MGMT: variants seen among roughly 807,000 people sequenced by gnomAD.
MGMT encodes methylated-DNA--protein-cysteine methyltransferase.
A neutral mutation model predicts 15.9 loss-of-function variants in MGMT; 14 were observed. That is an observed-to-expected ratio of 0.88 (90% CI 0.58 to 1.37). The LOEUF is 1.37. Among genes scored for constraint, MGMT ranks in the 40% most tolerant of loss-of-function variants. The probability of loss-of-function intolerance (pLI) is 0.00; values close to 1 mark genes in which losing one functional copy is unlikely to be tolerated. For missense variants in MGMT, 282 were observed against 268.1 expected (o/e 1.05, Z -0.36); for synonymous variants, 130 against 118.2 (o/e 1.10, Z -0.65).
At chr10:129,608,690 T>C (rs900374069) in intron 2 of MGMT, among the ~76,000 whole-genome samples, 6 of 152,258 alleles carry the variant, frequency 3.9e-5, no homozygotes, top group African/African-American at 1.4e-4. Flanking sequence ...TTTATGTTAT[T>C]CCTTAAAAAA....
chr10:129,495,279 G>A (rs1017468254), intron 1 of MGMT, among the ~76,000 whole-genome samples: 12 of 152,188 alleles, frequency 7.9e-5, no homozygotes, highest in Non-Finnish European at 1.6e-4. Context: ...CAAAATAAAC[G>A]TAGTACCTAA....
At chr10:129,746,166 G>A (rs1469914840) in intron 3 of MGMT, among the ~76,000 whole-genome samples, 1 of 150,906 alleles carries the variant, frequency 6.6e-6, no homozygotes, top group Admixed American at 6.6e-5. Flanking sequence ...GTGAACCCGG[G>A]AGGCAGAGCT....
At chr10:129,630,262 A>T (rs1373343951) in intron 2 of MGMT, among the ~76,000 whole-genome samples, 1 of 152,174 alleles carries the variant, frequency 6.6e-6, no homozygotes, top group Non-Finnish European at 1.5e-5. Context: ...CTCTGATTGC[A>T]CTTCTCTTTG....
intron 1 of MGMT, among the ~76,000 whole-genome samples, chr10:129,493,855 G>A (rs1358596570): frequency 1.3e-5 from 2 of 152,166 alleles, no homozygotes; most frequent in Non-Finnish European, 2.9e-5. Context: ...AACTCTAGAG[G>A]CTTGTCTTAT....
intron 2 of MGMT, among the ~76,000 whole-genome samples, chr10:129,575,537 G>A (rs879526172): frequency 9.9e-4 from 133 of 135,012 alleles, no homozygotes; most frequent in Non-Finnish European, 1.5e-3. Flanking sequence ...TCAAAGCAGT[G>A]TGTAGAGGGA....
At chr10:129,546,626 G>T (rs1846101230) in intron 2 of MGMT, among the ~76,000 whole-genome samples, 1 of 152,218 alleles carries the variant, frequency 6.6e-6, no homozygotes, top group African/African-American at 2.4e-5. Context: ...AAGGACCAGA[G>T]AGAGAATGGA....
chr10:129,486,177 C>CTTTTTTT, intron 1 of MGMT, among the ~76,000 whole-genome samples: 1 of 113,304 alleles, frequency 8.8e-6, no homozygotes, highest in Non-Finnish European at 1.7e-5. Context: ...CTTCTCTTCT[C>CTTTTTTT]TTTTTTTTTT....
At chr10:129,715,128 T>A (rs995296351) in intron 3 of MGMT, among the ~76,000 whole-genome samples, 6 of 152,106 alleles carry the variant, frequency 3.9e-5, no homozygotes, top group Non-Finnish European at 8.8e-5. Context: ...ATAACGAGGG[T>A]CTCTACTACA....
At chr10:129,629,796 G>T (rs1164146357) in intron 2 of MGMT, among the ~76,000 whole-genome samples, 1 of 152,218 alleles carries the variant, frequency 6.6e-6, no homozygotes, top group East Asian at 1.9e-4. Flanking sequence ...GGGACATAGG[G>T]AAGGTATGGC....
intron 3 of MGMT, among the ~76,000 whole-genome samples, chr10:129,710,187 C>T (rs112809447): frequency 1.3e-5 from 2 of 152,228 alleles, no homozygotes; most frequent in African/African-American, 4.8e-5. Flanking sequence ...ACCAGGAAGA[C>T]CTCAGAGTAG....
intron 1 of MGMT, among the ~76,000 whole-genome samples, chr10:129,498,677 T>TCTAGCGCTTTC (rs1335799066): frequency 1.3e-5 from 2 of 152,212 alleles, no homozygotes; most frequent in African/African-American, 2.4e-5. Flanking sequence ...CCATCGTTTT[T>TCTAGCGCTTTC]CTAGCGCTTT....
rs1342377428 is a variant in MGMT, at chr10:129,769,261, G to C, written c.*2264G>C. ...CAGCAGCAGGGCTCAAACCGGCGGGGCCGTGTACCGCTCCAAGGACAAGCT... is the reference window on the plus strand; with the variant it reads ...CAGCAGCAGGGCTCAAACCGGCGGGCCCGTGTACCGCTCCAAGGACAAGCT... On this transcript the variant is annotated 3_prime_UTR_variant, in exon 5 of 5. Transcript: ENST00000651593. 6.6e-6 allele frequency: 1 copy of C among 152,254 alleles called. No individual in the cohort carries two copies. The highest frequency in any genetic ancestry group is 1.5e-5 in the Non-Finnish European group (1 of 68,078). The allele number at this position is 152,254 out of a possible 1,614,324, so 9.4% of individuals were successfully genotyped here. A position where few individuals can be genotyped will look rare whatever the true frequency, so the allele number is the denominator to read the frequency against.
At chr10:129,696,245 A>T (rs555001000) in intron 2 of MGMT, among the ~76,000 whole-genome samples, 79 of 152,300 alleles carry the variant, frequency 5.2e-4, no homozygotes, top group African/African-American at 1.8e-3. Flanking sequence ...TACAGCATGA[A>T]GGTGGTGCTT....
At chr10:129,480,031 A>G (rs1035411193) in intron 1 of MGMT, among the ~76,000 whole-genome samples, 6 of 152,164 alleles carry the variant, frequency 3.9e-5, no homozygotes, top group Admixed American at 6.5e-5. Flanking sequence ...AAAACTAGCT[A>G]TATTTTCCAT....
At chr10:129,737,059 G>C (rs1287442877) in intron 3 of MGMT, among the ~76,000 whole-genome samples, 1 of 151,928 alleles carries the variant, frequency 6.6e-6, no homozygotes, top group Non-Finnish European at 1.5e-5. Context: ...TTCTCGAGGA[G>C]TATCTTTGTG....
At chr10:129,609,671 G>A (rs1371411909) in intron 2 of MGMT, among the ~76,000 whole-genome samples, 1 of 152,188 alleles carries the variant, frequency 6.6e-6, no homozygotes, top group African/African-American at 2.4e-5. Context: ...TTCGGGAGCA[G>A]GATGAGTAAG....
At chr10:129,675,598 C>T (rs1847776477) in intron 2 of MGMT, among the ~76,000 whole-genome samples, 1 of 152,106 alleles carries the variant, frequency 6.6e-6, no homozygotes, top group Non-Finnish European at 1.5e-5. Flanking sequence ...ACGCTTCAAC[C>T]TTGGGCCTGC....
At chr10:129,517,322 G>C (rs141412120) in intron 1 of MGMT, among the ~76,000 whole-genome samples, 2 of 152,192 alleles carry the variant, frequency 1.3e-5, no homozygotes, top group South Asian at 4.1e-4. Context: ...GAGGAAACAC[G>C]CAGCCCAGCA....
chr10:129,675,407 C>T (rs1469452524), intron 2 of MGMT, among the ~76,000 whole-genome samples: 2 of 152,184 alleles, frequency 1.3e-5, no homozygotes, highest in African/African-American at 4.8e-5. Flanking sequence ...ACAGCAGTGA[C>T]GTCTGTAAGT....
Sources: allele counts gnomAD v4.1 joint callset (sites outside exome capture counted in the v4.1 genomes callset), GRCh38; gene constraint gnomAD v4.1.1; transcripts MANE v1.5; gene names NCBI Gene and HGNC (gene_info 2026-07-23, HGNC 2026-07-21).